Variants in KCNIP1 observed in about 807,000 individuals in gnomAD.
KCNIP1 encodes the protein potassium voltage-gated channel interacting protein 1.
A neutral mutation model predicts 33.0 loss-of-function variants in KCNIP1; 18 were observed. That is an observed-to-expected ratio of 0.55 (90% CI 0.38 to 0.81). The LOEUF (loss-of-function observed/expected upper bound fraction) is 0.81, where lower values mean the gene tolerates loss of function less well. Among genes scored for constraint, KCNIP1 ranks in the 30% least tolerant of loss-of-function variants. KCNIP1 has a pLI of 0.00. For missense variants in KCNIP1, 238 were observed against 271.6 expected (o/e 0.88, Z 0.87); for synonymous variants, 93 against 98.3 (o/e 0.95, Z 0.32).
chr5:170,626,189 G>A (rs915606037), intron 1 of KCNIP1, among the ~76,000 whole-genome samples: 1 of 152,172 alleles, frequency 6.6e-6, no homozygotes. Flanking sequence ...CCTGTGCCAC[G>A]CATGCTCTAA....
At chr5:170,735,032 G>A (rs1402574178) in intron 7 of KCNIP1, among the ~76,000 whole-genome samples, 1 of 152,146 alleles carries the variant, frequency 6.6e-6, no homozygotes, top group Non-Finnish European at 1.5e-5. Context: ...AGATGCAGAT[G>A]CCCAGCTGAA....
intron 1 of KCNIP1, among the ~76,000 whole-genome samples, chr5:170,636,187 G>C (rs1167494420): frequency 1.3e-5 from 2 of 152,250 alleles, no homozygotes; most frequent in Non-Finnish European, 2.9e-5. Context: ...GTCTGGAGTT[G>C]GGGGGAAAGC....
intron 1 of KCNIP1, among the ~76,000 whole-genome samples, chr5:170,698,967 A>G (rs569077187): frequency 6.6e-6 from 1 of 151,950 alleles, no homozygotes; most frequent in East Asian, 1.9e-4. Context: ...AGCTTCCCAG[A>G]CCTCTCTGCA....
intron 1 of KCNIP1, among the ~76,000 whole-genome samples, chr5:170,392,760 G>C (rs552879743): frequency 1.3e-5 from 2 of 152,298 alleles, no homozygotes; most frequent in African/African-American, 4.8e-5. Context: ...GGAGGCGGAG[G>C]TCGCAGTGAG....
Position 170,504,600 on chromosome 5 carries a change from T to G in KCNIP1, c.28T>G (p.Ser10Ala). 6.2e-7 allele frequency: 1 copy of G among 1,613,820 alleles called. No homozygotes were observed. Among genetic ancestry groups the G allele is most frequent in the Non-Finnish European group, 8.5e-7 (1 of 1,179,986 alleles). Residue 10 changes from serine to alanine, a missense_variant, in exon 1 of 8, where the codon TCT (serine) becomes GCT (alanine). Transcript: ENST00000328939. This position sits in a 1 kb window ranked among gnomAD's most constrained non-coding sequence, Gnocchi z 6.0. The stretch of plus-strand genomic sequence containing the variant: ...GGGGGCCGTCATGGGCACCTTCTCA[T>G]CTCTGCAAACCAAACAAAGGCGACC... MGAVMGTFS[S>A]LQTKQRRPSK...
chr5:170,732,872 A>T lies in KCNIP1; in HGVS notation c.508A>T (p.Thr170Ser), dbSNP rs1188493057. Residue 170 changes from threonine (T) to serine (S), a missense_variant, in exon 6 of 8, where the codon ACT becomes TCT. Physicochemically the swap from Thr to Ser is moderately conservative, Grantham distance 58. Coordinates refer to ENST00000328939, the MANE Select transcript of KCNIP1 (RefSeq NM_014592.4). ...KYTYPVLKED[T>S]PRQHVDVFFQ... Reference sequence around the variant, plus strand: ...CACATATCCTGTGCTCAAAGAGGACACTCCAAGGCAGCATGTGGACGTCTT... The same window carrying T: ...CACATATCCTGTGCTCAAAGAGGACTCTCCAAGGCAGCATGTGGACGTCTT... 9.3e-6 allele frequency: 15 copies of T among 1,613,452 alleles called. No individual in the cohort carries two copies. The Middle Eastern group carries it at 1.2e-3, about 124-fold the overall frequency.
chr5:170,354,519 G>A (rs985987743), intron 1 of KCNIP1, among the ~76,000 whole-genome samples: 3 of 152,162 alleles, frequency 2.0e-5, no homozygotes, highest in Admixed American at 6.5e-5. Context: ...TTCATTCATC[G>A]TTCTGCTTTC....
intron 1 of KCNIP1, among the ~76,000 whole-genome samples, chr5:170,510,802 A>C (rs150619251): frequency 6.6e-6 from 1 of 152,268 alleles, no homozygotes; most frequent in African/African-American, 2.4e-5. Flanking sequence ...GGAAGCTAGA[A>C]GTAGGATTGC....
chr5:170,420,538 A>AAT (rs1182780117), intron 1 of KCNIP1: 1 of 151,900 alleles, frequency 6.6e-6, no homozygotes, highest in East Asian at 1.9e-4. Context: ...CAACTCAAAA[A>AAT]AAAAAAAAAT....
intron 1 of KCNIP1, among the ~76,000 whole-genome samples, chr5:170,497,674 T>C (rs1389416860): frequency 1.3e-5 from 2 of 152,228 alleles, no homozygotes; most frequent in African/African-American, 4.8e-5. Flanking sequence ...TCAATATTCA[T>C]GAAATATCTG....
At chr5:170,697,171 G>T (rs1263132094) in intron 1 of KCNIP1, among the ~76,000 whole-genome samples, 1 of 151,934 alleles carries the variant, frequency 6.6e-6, no homozygotes, top group Non-Finnish European at 1.5e-5. Flanking sequence ...ACTCCTCAGG[G>T]AAGCCTGCCC....
At position 170,608,133 on chromosome 5, in the gene KCNIP1, G is replaced by GC. The variant is rs370633500; in HGVS notation, c.61+103506dup. The stretch of plus-strand genomic sequence containing the variant: ...CACACACACCCCACATCCTTCTCCA[G>GC]CCCCCCATTATCTGTCTCCTAGGAA... On this transcript the variant is annotated intron_variant, in intron 1 of 7. Coordinates refer to ENST00000328939, the MANE Select transcript of KCNIP1 (RefSeq NM_014592.4). Among the ~76,000 whole-genome samples, 461 of 152,174 alleles carry GC rather than the reference G, an allele frequency of 3.0e-3. 2 individuals carry two copies. Among genetic ancestry groups the GC allele is most frequent in the African/African-American group, 0.011 (439 of 41,504 alleles).
At chr5:170,617,601 A>T (rs1759435181) in intron 1 of KCNIP1, among the ~76,000 whole-genome samples, 1 of 152,140 alleles carries the variant, frequency 6.6e-6, no homozygotes. Context: ...TCAATTCCCT[A>T]AAAGATCTCC....
rs1323029969 is a variant in KCNIP1 at position 170,718,819 on chromosome 5, G to A, written c.123G>A (p.Gln41=). 1 of 1,609,468 alleles carries A rather than the reference G, an allele frequency of 6.2e-7. No individual in the cohort carries two copies. The highest frequency in any genetic ancestry group is 1.7e-5 in the Admixed American group (1 of 58,638). The change falls in exon 2 of 8, where the codon CAG becomes CAA. Residue 41 remains glutamine (Q), a synonymous_variant. Transcript: ENST00000328939. ...GCCATCGGCCCGAGGGACTGGAGCAGCTCGAGGCCCAGACCAACTTCACCA... is the reference window on the plus strand; with the variant it reads ...GCCATCGGCCCGAGGGACTGGAGCAACTCGAGGCCCAGACCAACTTCACCA... ...MVCHRPEGLE[Q]LEAQTNFTKR...
At chr5:170,376,172 T>C (rs886565633) in intron 1 of KCNIP1, 1 of 142,762 alleles carries the variant, frequency 7.0e-6, no homozygotes, top group African/African-American at 2.7e-5. Flanking sequence ...TTTTTTTTTT[T>C]TTTTTTGAGA....
At chr5:170,411,000 T>C (rs1755171137) in intron 1 of KCNIP1, among the ~76,000 whole-genome samples, 3 of 152,234 alleles carry the variant, frequency 2.0e-5, no homozygotes, top group South Asian at 2.1e-4. Flanking sequence ...AAAGTAAATA[T>C]AGATGGTCAC....
At chr5:170,549,913 G>A (rs148620214) in intron 1 of KCNIP1, among the ~76,000 whole-genome samples, 328 of 152,264 alleles carry the variant, frequency 2.2e-3, no homozygotes, top group Non-Finnish European at 3.5e-3. Context: ...TTTAAATGTG[G>A]ATTATAGAGA....
chr5:170,712,945 C>A, intron 1 of KCNIP1: 1 of 1,362,046 alleles, frequency 7.3e-7, no homozygotes, highest in Non-Finnish European at 1.1e-6. Context: ...GGCAGAGCTT[C>A]TTAATCAAGC....
At chr5:170,404,517 C>G (rs1279810603) in intron 1 of KCNIP1, among the ~76,000 whole-genome samples, 1 of 152,102 alleles carries the variant, frequency 6.6e-6, no homozygotes, top group Non-Finnish European at 1.5e-5. Flanking sequence ...GTCCCAGGGG[C>G]CTCCCTTGTG....
Sources: allele counts gnomAD v4.1 joint callset (sites outside exome capture counted in the v4.1 genomes callset), GRCh38; gene constraint gnomAD v4.1.1; non-coding constraint Gnocchi (gnomAD v3.1); transcripts MANE v1.5; gene names NCBI Gene and HGNC (gene_info 2026-07-23, HGNC 2026-07-21).